Variants in NRG3 observed in about 807,000 individuals in gnomAD.
NRG3 encodes neuregulin 3.
Under a neutral mutation model 66.9 loss-of-function variants are expected in NRG3, and 31 were observed. That is an observed-to-expected ratio of 0.46 (90% CI 0.35 to 0.63). NRG3 has a LOEUF of 0.63. NRG3 is among the 20% of genes least tolerant of loss of function. The pLI is 0.00. For missense variants in NRG3, 910 were observed against 878.9 expected (o/e 1.04, Z -0.45); for synonymous variants, 393 against 359.4 (o/e 1.09, Z -1.06).
chr10:82,312,269 C>T (rs986804232), intron 1 of NRG3, among the ~76,000 whole-genome samples: 2 of 152,094 alleles, frequency 1.3e-5, no homozygotes, highest in Non-Finnish European at 2.9e-5. Flanking sequence ...TGGAAGCTGG[C>T]GTTTCTGAAG....
At chr10:82,696,168 T>C (rs889029955) in intron 2 of NRG3, among the ~76,000 whole-genome samples, 7 of 152,158 alleles carry the variant, frequency 4.6e-5, no homozygotes, top group Non-Finnish European at 7.4e-5. Context: ...AGCAAGACTA[T>C]TATTAATTTT....
chr10:82,639,732 A>C (rs1565155112), intron 2 of NRG3, among the ~76,000 whole-genome samples: 1 of 151,812 alleles, frequency 6.6e-6, no homozygotes, highest in East Asian at 1.9e-4. Flanking sequence ...TGGCTGTAAG[A>C]ATTTCTTGGT....
chr10:82,176,614 G>A (rs924517510), intron 1 of NRG3, among the ~76,000 whole-genome samples: 2 of 152,046 alleles, frequency 1.3e-5, no homozygotes, highest in Non-Finnish European at 1.5e-5. Flanking sequence ...GCGGTGTTTG[G>A]TTTGGGTTGA....
intron 1 of NRG3, among the ~76,000 whole-genome samples, chr10:82,134,057 G>A (rs1319354880): frequency 1.3e-5 from 2 of 152,096 alleles, no homozygotes; most frequent in Non-Finnish European, 2.9e-5. Context: ...CTGCATGTAT[G>A]TCTTCTTTTG....
chr10:82,145,537 T>G (rs531598674), intron 1 of NRG3, among the ~76,000 whole-genome samples: 1 of 152,334 alleles, frequency 6.6e-6, no homozygotes, highest in East Asian at 1.9e-4. Flanking sequence ...AACATCATAT[T>G]AAAACCACCA....
intron 1 of NRG3, among the ~76,000 whole-genome samples, chr10:82,209,101 C>A (rs1306935605): frequency 6.6e-6 from 1 of 152,150 alleles, no homozygotes; most frequent in Non-Finnish European, 1.5e-5. Context: ...ACAAAGCTAA[C>A]ATCTTCAAGG....
At chr10:82,133,882 G>T (rs1211726728) in intron 1 of NRG3, among the ~76,000 whole-genome samples, 1 of 152,096 alleles carries the variant, frequency 6.6e-6, no homozygotes, top group Admixed American at 6.6e-5. Context: ...CTTCCATCAA[G>T]AGTGTATTTG....
intron 1 of NRG3, among the ~76,000 whole-genome samples, chr10:82,032,320 A>G (rs1369163791): frequency 2.0e-5 from 3 of 152,068 alleles, no homozygotes; most frequent in African/African-American, 4.8e-5. Context: ...CTCTAACTAG[A>G]AAAGAGAGAT....
chr10:82,334,136 C>CAAAAAAAAAAAA, intron 1 of NRG3, among the ~76,000 whole-genome samples: 1 of 89,892 alleles, frequency 1.1e-5, no homozygotes, highest in Non-Finnish European at 2.6e-5. Context: ...CATGGCGTCT[C>CAAAAAAAAAAAA]AAAAAAAAAA....
intron 4 of NRG3, among the ~76,000 whole-genome samples, chr10:82,926,188 C>T (rs73311360): frequency 0.09 from 13,683 of 152,168 alleles, 820 homozygotes; most frequent in African/African-American, 0.15. Context: ...ATCAAATCCA[C>T]GCTAATGAAG....
chr10:82,319,042 T>G (rs796090083), intron 1 of NRG3, among the ~76,000 whole-genome samples: 32 of 152,328 alleles, frequency 2.1e-4, no homozygotes, highest in African/African-American at 7.0e-4. Context: ...TGTATATTGG[T>G]GTGAGAACAA....
chr10:82,502,902 T>G (rs1350625658), intron 2 of NRG3, among the ~76,000 whole-genome samples: 1 of 152,228 alleles, frequency 6.6e-6, no homozygotes, highest in Non-Finnish European at 1.5e-5. Flanking sequence ...TGCACATATT[T>G]TAGATAGTCG....
In NRG3 at chr10:82,328,975, A is replaced by G. The variant is rs916466256; in HGVS notation, c.824-29764A>G. On this transcript the variant is annotated intron_variant, in intron 1 of 8. Coordinates refer to ENST00000372141, the MANE Select transcript of NRG3 (RefSeq NM_001010848.4). Reference sequence around the variant, plus strand: ...ATTGCTGATCAGTTTTAAAAAGTAAAAGCAAGTTCATGCCAACTATATATT... The same window carrying G: ...ATTGCTGATCAGTTTTAAAAAGTAAGAGCAAGTTCATGCCAACTATATATT... 2.6e-5 allele frequency among the ~76,000 whole-genome samples: 4 copies of G among 152,192 alleles called. No individual in the cohort carries two copies. The South Asian group carries it at 6.2e-4, about 24-fold the overall frequency.
At chr10:82,180,134 T>G (rs868373295) in intron 1 of NRG3, among the ~76,000 whole-genome samples, 44 of 151,422 alleles carry the variant, frequency 2.9e-4, no homozygotes, top group South Asian at 1.5e-3. Context: ...TGACAGGTTT[T>G]TGTGTGTGTG....
intron 2 of NRG3, among the ~76,000 whole-genome samples, chr10:82,432,767 T>A (rs1371417733): frequency 6.6e-6 from 1 of 152,202 alleles, no homozygotes; most frequent in Non-Finnish European, 1.5e-5. Flanking sequence ...GCTTCTAGTG[T>A]CATCCGAGTC....
intron 1 of NRG3, among the ~76,000 whole-genome samples, chr10:81,934,636 T>C (rs1398538203): frequency 1.3e-5 from 2 of 152,244 alleles, no homozygotes; most frequent in African/African-American, 2.4e-5. Flanking sequence ...AATTAAGCAC[T>C]GTATTGCTTT....
chr10:82,444,741 G>C (rs746301605), intron 2 of NRG3, among the ~76,000 whole-genome samples: 48 of 152,260 alleles, frequency 3.2e-4, no homozygotes, highest in Non-Finnish European at 5.1e-4. Context: ...ACTATATTAT[G>C]AGAAGCCCAT....
intron 2 of NRG3, among the ~76,000 whole-genome samples, chr10:82,398,520 T>TGAGAGAGA (rs1241113136): frequency 5.6e-5 from 7 of 125,506 alleles, no homozygotes; most frequent in African/African-American, 2.0e-4. Context: ...TGTGTGTGTG[T>TGAGAGAGA]GTGTGTGAGA....
chr10:82,298,127 GA>G (rs1259014467), intron 1 of NRG3, among the ~76,000 whole-genome samples: 1 of 151,210 alleles, frequency 6.6e-6, no homozygotes, highest in Non-Finnish European at 1.5e-5. Flanking sequence ...CTGGGCAACA[GA>G]GTGGAGATTC....
Sources: allele counts gnomAD v4.1 joint callset (sites outside exome capture counted in the v4.1 genomes callset), GRCh38; gene constraint gnomAD v4.1.1; transcripts MANE v1.5; gene names NCBI Gene and HGNC (gene_info 2026-07-23, HGNC 2026-07-21).